Variants in AGBL3 observed in about 807,000 individuals in gnomAD.
AGBL3 encodes AGBL carboxypeptidase 3, also known as cytosolic carboxypeptidase 3.
AGBL3 carries 68 observed loss-of-function variants against 94.5 expected under a neutral mutation model. The ratio of observed to expected loss-of-function variants is 0.72; its 90% CI spans 0.59 to 0.88. The LOEUF is 0.88. Among genes scored for constraint, AGBL3 ranks in the 40% least tolerant of loss-of-function variants. AGBL3 has a pLI of 0.00. For synonymous variants in AGBL3, 354 were observed against 370.7 expected (o/e 0.95, Z 0.52); for missense variants, 934 against 1,103.8 (o/e 0.85, Z 2.18).
intron 8 of AGBL3, among the ~76,000 whole-genome samples, chr7:135,043,409 C>T (rs1224495669): frequency 6.6e-6 from 1 of 151,956 alleles, no homozygotes; most frequent in Non-Finnish European, 1.5e-5. Flanking sequence ...AACAACTGAA[C>T]TTGTAGAGAC....
chr7:135,134,832 C>A lies in AGBL3; in HGVS notation c.2343-9C>A, dbSNP rs116331035. On this transcript the variant is annotated splice_polypyrimidine_tract_variant and intron_variant, in intron 16 of 16. Transcript: ENST00000436302. Reference sequence around the variant, plus strand: ...GGACAAAAATTCACGTATTTCATTTCTTTTCTAGACTAAATCCGGCTACTT... The same window carrying A: ...GGACAAAAATTCACGTATTTCATTTATTTTCTAGACTAAATCCGGCTACTT... 1.2e-3 allele frequency: 1,904 copies of A among 1,546,538 alleles called. 27 individuals carry two copies. In the African/African-American group the frequency reaches 0.024, roughly 19 times the overall value.
chr7:135,124,156 G>A (rs1827526068), intron 16 of AGBL3, among the ~76,000 whole-genome samples: 1 of 151,638 alleles, frequency 6.6e-6, no homozygotes, highest in Admixed American at 6.6e-5. Flanking sequence ...CCTGTCTTAT[G>A]TGCAAAGACA....
chr7:135,056,206 C>A (rs1818335415), intron 11 of AGBL3, among the ~76,000 whole-genome samples: 1 of 152,036 alleles, frequency 6.6e-6, no homozygotes, highest in East Asian at 1.9e-4. Context: ...TTCAAAGCAG[C>A]AGCATTGTGT....
At chr7:135,028,195 G>T (rs1044348315) in intron 5 of AGBL3, among the ~76,000 whole-genome samples, 5 of 151,394 alleles carry the variant, frequency 3.3e-5, no homozygotes, top group African/African-American at 1.2e-4. Flanking sequence ...CTGAAGGTAG[G>T]GTGGCTCTGA....
chr7:135,031,007 TTTTG>T (rs1471781714), intron 5 of AGBL3, among the ~76,000 whole-genome samples: 2 of 152,100 alleles, frequency 1.3e-5, no homozygotes, highest in East Asian at 1.9e-4. Context: ...TTTGGTTCAG[TTTTG>T]TTTTTTTTGT....
Position 135,017,179 on chromosome 7 carries a change from T to G in AGBL3, c.418+20T>G. 6.9e-7 allele frequency: 1 copy of G among 1,450,500 alleles called. No individual in the cohort carries two copies. Among genetic ancestry groups the G allele is most frequent in the Non-Finnish European group, 9.5e-7 (1 of 1,054,388 alleles). The allele number at this position is 1,450,500 out of a possible 1,614,324, so 89.9% of individuals were successfully genotyped here. A position where few individuals can be genotyped will look rare whatever the true frequency, so the allele number is the denominator to read the frequency against. ...AAGATGGTGAGCACATAATGACACA[T>G]GTTGCTGTAAAATATAATTTGGTAC... is the stretch of plus-strand genomic sequence containing the variant. On this transcript the variant is annotated intron_variant, in intron 5 of 16. Transcript: ENST00000436302.
intron 12 of AGBL3, among the ~76,000 whole-genome samples, chr7:135,069,395 T>C (rs1270079243): frequency 1.3e-5 from 2 of 152,018 alleles, no homozygotes; most frequent in African/African-American, 4.8e-5. Context: ...TCTACAGAAC[T>C]CTCCACCCCA....
chr7:135,075,234 C>G (rs969815792), intron 12 of AGBL3, among the ~76,000 whole-genome samples: 4 of 152,156 alleles, frequency 2.6e-5, no homozygotes, highest in African/African-American at 4.8e-5. Flanking sequence ...CCTTACCTTG[C>G]AGTTATCCCC....
chr7:135,018,375 C>T (rs1370838273), intron 5 of AGBL3, among the ~76,000 whole-genome samples: 4 of 152,212 alleles, frequency 2.6e-5, no homozygotes, highest in Non-Finnish European at 5.9e-5. Context: ...AAGTGCCTCC[C>T]ATTGTCCACA....
intron 15 of AGBL3, among the ~76,000 whole-genome samples, chr7:135,098,088 C>A (rs910250151): frequency 4.6e-5 from 7 of 152,084 alleles, no homozygotes; most frequent in African/African-American, 1.7e-4. Context: ...GCCTAAATGA[C>A]AAACAGTTAG....
chr7:135,079,098 C>T (rs533199271), intron 13 of AGBL3, among the ~76,000 whole-genome samples: 1 of 152,062 alleles, frequency 6.6e-6, no homozygotes, highest in East Asian at 1.9e-4. Flanking sequence ...CATAAGATCA[C>T]TGACCTGGTG....
At chr7:135,042,586 T>C (rs1362800590) in intron 8 of AGBL3, among the ~76,000 whole-genome samples, 3 of 152,016 alleles carry the variant, frequency 2.0e-5, no homozygotes, top group African/African-American at 7.3e-5. Context: ...AGTGTGATGG[T>C]GGTTACAGGA....
chr7:135,035,741 T>C lies in AGBL3; in HGVS notation c.1337+813T>C, dbSNP rs540167485. On this transcript the variant is annotated intron_variant, in intron 7 of 16. Coordinates refer to ENST00000436302, the MANE Select transcript of AGBL3 (RefSeq NM_178563.4). ...TTCACTTCAGAAGTAATACCATCTC[T>C]TTGGAAATTAATCTGTTAGAAGTAA... is the stretch of plus-strand genomic sequence containing the variant. 2.0e-5 allele frequency among the ~76,000 whole-genome samples: 3 copies of C among 152,284 alleles called. No homozygotes were observed. The East Asian group carries it at 5.8e-4, about 29-fold the overall frequency.
intron 5 of AGBL3, among the ~76,000 whole-genome samples, chr7:135,031,011 GT>G (rs914188555): frequency 6.6e-6 from 1 of 151,070 alleles, no homozygotes; most frequent in Non-Finnish European, 1.5e-5. Context: ...GTTCAGTTTT[GT>G]TTTTTTTGTT....
intron 4 of AGBL3, among the ~76,000 whole-genome samples, chr7:135,014,725 C>CT (rs1411413807): frequency 6.6e-6 from 1 of 152,076 alleles, no homozygotes; most frequent in East Asian, 1.9e-4. Flanking sequence ...GAGAAAGGAG[C>CT]TGAAGGCCAA....
At chr7:135,065,076 T>G (rs759925017) in intron 12 of AGBL3, among the ~76,000 whole-genome samples, 30 of 152,190 alleles carry the variant, frequency 2.0e-4, no homozygotes, top group Non-Finnish European at 4.0e-4. Flanking sequence ...CTAAGTCTGG[T>G]TGAGACATCC....
rs1814300820 is a variant in AGBL3 at position 135,020,412 on chromosome 7, G to C, written c.418+3253G>C. On this transcript the variant is annotated intron_variant, in intron 5 of 16. Coordinates refer to ENST00000436302, the MANE Select transcript of AGBL3 (RefSeq NM_178563.4). ...ATCATTAAAAAGTCAGGAAACAAAG[G>C]GTGCTGGAGAGGATGTGGAGAAATA... Among the ~76,000 whole-genome samples the C allele has an allele frequency of 1.3e-5, 2 of 152,170 alleles. 1 individual carries two copies. The highest frequency in any genetic ancestry group is 1.3e-4 in the Admixed American group (2 of 15,276).
At position 134,991,976 on chromosome 7, in the gene AGBL3, G is replaced by A. The variant is rs75049262; in HGVS notation, c.125-1517G>A. Among the ~76,000 whole-genome samples, 209 of 152,298 alleles carry A rather than the reference G, an allele frequency of 1.4e-3. 2 individuals carry two copies. Among genetic ancestry groups the A allele is most frequent in the African/African-American group, 4.8e-3 (199 of 41,560 alleles). ...TCTCTAAGTATTAACTCTACAGTCTGCTCTTGTTTACTTTTCAAATTCTTC... is the reference window on the plus strand; with the variant it reads ...TCTCTAAGTATTAACTCTACAGTCTACTCTTGTTTACTTTTCAAATTCTTC... On this transcript the variant is annotated intron_variant, in intron 3 of 16. Transcript: ENST00000436302.
At chr7:135,089,854 G>A (rs180727884) in intron 15 of AGBL3, among the ~76,000 whole-genome samples, 35 of 152,306 alleles carry the variant, frequency 2.3e-4, no homozygotes, top group African/African-American at 7.7e-4. Context: ...GAGTGGTTGT[G>A]GGACCAGGGT....
Sources: allele counts gnomAD v4.1 joint callset (sites outside exome capture counted in the v4.1 genomes callset), GRCh38; gene constraint gnomAD v4.1.1; transcripts MANE v1.5; gene names NCBI Gene and HGNC (gene_info 2026-07-23, HGNC 2026-07-21).